Variants in LRP1B observed in about 807,000 individuals in gnomAD.
The protein encoded by LRP1B is LDL receptor related protein 1B.
In LRP1B, 217 loss-of-function variants were observed where a neutral mutation model predicts 556.6. That is an observed-to-expected ratio of 0.39 (90% CI 0.35 to 0.44). The LOEUF is 0.44. Among genes scored for constraint, LRP1B ranks in the 20% least tolerant of loss-of-function variants. LRP1B has a pLI of 1.00. For missense variants in LRP1B, 5,053 were observed against 5,620.8 expected, an observed-to-expected ratio of 0.90 and a Z score of 3.23; for synonymous variants, 2,047 against 1,865.8, an observed-to-expected ratio of 1.10 and a Z score of -2.50.
At chr2:141,139,801 G>A (rs1325776222) in intron 7 of LRP1B, among the ~76,000 whole-genome samples, 1 of 151,642 alleles carries the variant, frequency 6.6e-6, no homozygotes, top group Admixed American at 6.6e-5. Context: ...GTGTGTGTGT[G>A]TGTGTGTGTG....
intron 67 of LRP1B, among the ~76,000 whole-genome samples, chr2:140,380,594 A>C (rs541808165): frequency 1.3e-5 from 2 of 152,320 alleles, no homozygotes; most frequent in South Asian, 4.1e-4. Context: ...AATTTAAAAC[A>C]TGTCGTGCTT....
intron 6 of LRP1B, among the ~76,000 whole-genome samples, chr2:141,199,128 T>TG (rs2105220452): frequency 6.6e-6 from 1 of 152,288 alleles, no homozygotes; most frequent in South Asian, 2.1e-4. Flanking sequence ...ATCAGGGTTC[T>TG]GTTTCAGTAG....
intron 3 of LRP1B, among the ~76,000 whole-genome samples, chr2:141,467,837 A>AC (rs1553518601): frequency 4.4e-4 from 10 of 22,786 alleles, no homozygotes; most frequent in African/African-American, 1.3e-3. Context: ...TTGTTTGCGG[A>AC]CCGGGGGGGG....
chr2:141,750,004 G>A (rs1261139746), intron 2 of LRP1B, among the ~76,000 whole-genome samples: 1 of 152,100 alleles, frequency 6.6e-6, no homozygotes, highest in Non-Finnish European at 1.5e-5. Context: ...GCTAAGCATT[G>A]GCAAACTAAA....
intron 87 of LRP1B, among the ~76,000 whole-genome samples, chr2:140,240,141 A>C (rs1163023305): frequency 6.6e-6 from 1 of 150,916 alleles, no homozygotes; most frequent in Non-Finnish European, 1.5e-5. Flanking sequence ...AGAGAAGAAG[A>C]CTTACCACAA....
chr2:140,495,749 C>T lies in LRP1B; in HGVS notation c.8851-1G>A, dbSNP rs2104874421. Reference sequence around the variant, plus strand: ...GTTGGAATCCAGGCCAGCATTTGCACTGGGAAAAGAAAAATGAGCATAATC... The same window carrying T: ...GTTGGAATCCAGGCCAGCATTTGCATTGGGAAAAGAAAAATGAGCATAATC... On this transcript the variant is annotated splice_acceptor_variant, in intron 55 of 90. Coordinates refer to ENST00000389484, the MANE Select transcript of LRP1B (RefSeq NM_018557.3). LOFTEE classifies it high-confidence loss of function. The T allele has an allele frequency of 6.3e-7, 1 of 1,598,472 alleles. No homozygotes were observed. The highest frequency in any genetic ancestry group is 8.6e-7 in the Non-Finnish European group (1 of 1,167,254).
At chr2:140,238,005 T>G in intron 89 of LRP1B, 147 bp downstream of exon 89, 1 of 515,476 alleles carries the variant, frequency 1.9e-6, no homozygotes, top group Admixed American at 3.7e-5. Flanking sequence ...ACTTTCTCTT[T>G]AGAAGAGGCT....
At chr2:141,525,677 T>G (rs904517572) in intron 2 of LRP1B, among the ~76,000 whole-genome samples, 1 of 151,992 alleles carries the variant, frequency 6.6e-6, no homozygotes, top group Non-Finnish European at 1.5e-5. Context: ...GAAAAGGAAC[T>G]GATATGCCAT....
At chr2:140,265,804 G>A (rs1360833379) in intron 86 of LRP1B, among the ~76,000 whole-genome samples, 2 of 152,096 alleles carry the variant, frequency 1.3e-5, no homozygotes, top group African/African-American at 2.4e-5. Context: ...CTCTGGTGAG[G>A]AGAATTGACC....
intron 7 of LRP1B, among the ~76,000 whole-genome samples, chr2:141,156,206 CA>C (rs1702062158): frequency 6.6e-6 from 1 of 152,092 alleles, no homozygotes; most frequent in South Asian, 2.1e-4. Flanking sequence ...CTCAGTAACC[CA>C]GGGTCTATGC....
chr2:141,743,121 T>C (rs1446173413), intron 2 of LRP1B, among the ~76,000 whole-genome samples: 1 of 152,082 alleles, frequency 6.6e-6, no homozygotes, highest in African/African-American at 2.4e-5. Context: ...GTTATAGCTA[T>C]GTGGGAGGAT....
intron 1 of LRP1B, among the ~76,000 whole-genome samples, chr2:141,969,487 T>C (rs1428291635): frequency 6.6e-6 from 1 of 151,656 alleles, no homozygotes; most frequent in East Asian, 1.9e-4. Flanking sequence ...TGTTTTAGAT[T>C]CCACATAAGT....
intron 40 of LRP1B, among the ~76,000 whole-genome samples, chr2:140,700,905 T>C (rs977356150): frequency 1.7e-4 from 26 of 152,272 alleles, no homozygotes; most frequent in African/African-American, 6.3e-4. Context: ...ATATAAATCT[T>C]TTTTGAAACT....
rs564174066 is a variant in LRP1B, at chr2:141,072,806, C to A, written c.1014-10533G>T. On this transcript the variant is annotated intron_variant, in intron 7 of 90. Coordinates refer to ENST00000389484, the MANE Select transcript of LRP1B (RefSeq NM_018557.3). ...GCAGAAATTAGAGCATACAGAAAGGCAAATCCTTTGTTTTCTTATAGCCCC... is the reference window on the plus strand; with the variant it reads ...GCAGAAATTAGAGCATACAGAAAGGAAAATCCTTTGTTTTCTTATAGCCCC... Among the ~76,000 whole-genome samples the A allele has an allele frequency of 2.0e-5, 3 of 152,146 alleles. No individual in the cohort carries two copies. The East Asian group carries it at 5.8e-4, about 30-fold the overall frequency.
intron 18 of LRP1B, among the ~76,000 whole-genome samples, chr2:140,956,281 A>C (rs1376949234): frequency 6.6e-6 from 1 of 151,782 alleles, no homozygotes; most frequent in Non-Finnish European, 1.5e-5. Context: ...AAGTGGCAGT[A>C]AAGTTTGAAT....
At chr2:140,453,330 TAATC>T (rs1371489203) in intron 62 of LRP1B, among the ~76,000 whole-genome samples, 2 of 152,036 alleles carry the variant, frequency 1.3e-5, no homozygotes, top group Non-Finnish European at 2.9e-5. Context: ...TTTTTCATGT[TAATC>T]AATATTTTAT....
At chr2:141,035,122 G>A (rs528569785) in intron 11 of LRP1B, among the ~76,000 whole-genome samples, 18 of 151,438 alleles carry the variant, frequency 1.2e-4, no homozygotes, top group African/African-American at 2.9e-4. Context: ...ATCAAACACC[G>A]CATGTTCTCA....
At chr2:142,084,994 TATAGA>T (rs1322289181) in intron 1 of LRP1B, among the ~76,000 whole-genome samples, 1 of 152,200 alleles carries the variant, frequency 6.6e-6, no homozygotes, top group African/African-American at 2.4e-5. Context: ...CCTAGAGGTT[TATAGA>T]ATAAAGTCCA....
At chr2:140,920,679 A>C (rs1694712520) in intron 21 of LRP1B, among the ~76,000 whole-genome samples, 1 of 152,038 alleles carries the variant, frequency 6.6e-6, no homozygotes. Context: ...AACTCTTCTG[A>C]AGTTGAATAA....
Sources: allele counts gnomAD v4.1 joint callset (sites outside exome capture counted in the v4.1 genomes callset), GRCh38; gene constraint gnomAD v4.1.1; transcripts MANE v1.5; gene names NCBI Gene and HGNC (gene_info 2026-07-23, HGNC 2026-07-21).